RBM33: variants seen among roughly 807,000 people sequenced by gnomAD.
RBM33 encodes the protein RNA-binding protein 33.
Under a neutral mutation model 132.6 loss-of-function variants are expected in RBM33, and 28 were observed. That is an observed-to-expected ratio of 0.21 (90% CI 0.16 to 0.29). RBM33 has a LOEUF of 0.29. Among genes scored for constraint, RBM33 ranks in the 10% least tolerant of loss-of-function variants. RBM33 has a pLI of 1.00. For missense variants in RBM33, 1,291 were observed against 1,518.5 expected (o/e 0.85, Z 2.49); for synonymous variants, 634 against 593.0 (o/e 1.07, Z -1.01).
intron 9 of RBM33, among the ~76,000 whole-genome samples, chr7:155,729,274 G>C (rs1800885311): frequency 6.6e-6 from 1 of 152,170 alleles, no homozygotes; most frequent in Non-Finnish European, 1.5e-5. Context: ...CACTCGTGGG[G>C]ATTACAGTTC....
chr7:155,683,579 A>G (rs1799394124), intron 5 of RBM33, among the ~76,000 whole-genome samples: 1 of 152,192 alleles, frequency 6.6e-6, no homozygotes, highest in African/African-American at 2.4e-5. Flanking sequence ...GCTGTTCCCT[A>G]TGAAGAAAGC....
chr7:155,741,709 C>T, intron 12 of RBM33, 110 bp from the exon 13 acceptor site: 2 of 1,053,876 alleles, frequency 1.9e-6, no homozygotes, highest in Non-Finnish European at 1.4e-6. Context: ...CAAAAGAAGT[C>T]ATTTACTAAT....
intron 9 of RBM33, among the ~76,000 whole-genome samples, chr7:155,730,982 T>C (rs568654023): frequency 6.7e-6 from 1 of 148,428 alleles, no homozygotes; most frequent in South Asian, 2.1e-4. Context: ...GAAAACTAAG[T>C]TTGTGGACTA....
rs1414359905 is a variant in RBM33 at position 155,644,852 on chromosome 7, C to T, written c.-25C>T. 6 of 1,479,378 alleles carry T rather than the reference C, an allele frequency of 4.1e-6. No individual in the cohort carries two copies. Among genetic ancestry groups the T allele is most frequent in the Non-Finnish European group, 5.4e-6 (6 of 1,119,716 alleles). 91.6% of individuals were successfully genotyped at this position (1,479,378 alleles called of 1,614,324 possible). ...CCACCAGCTGGCTTGGTGGGGGAGG[C>T]TGAAGGCCGGGCCCCGCGAGTGCCA... On this transcript the variant is annotated 5_prime_UTR_variant, in exon 1 of 18. Transcript: ENST00000401878.
intron 5 of RBM33, among the ~76,000 whole-genome samples, chr7:155,695,158 T>C (rs1799756306): frequency 6.6e-6 from 1 of 152,222 alleles, no homozygotes; most frequent in South Asian, 2.1e-4. Context: ...CCATGTGCGA[T>C]TGGACTTCCG....
chr7:155,766,550 G>A lies in RBM33; in HGVS notation c.3270G>A (p.Val1090=). Residue 1090 remains valine, a synonymous_variant, in exon 16 of 18, where the codon GTG becomes GTA. Transcript: ENST00000401878. The stretch of plus-strand genomic sequence containing the variant: ...TGCCAAACAAGCAGAACCTGCGGGT[G>A]GTGGAGTGCAAGCCCCAGCCCTGCG... ...RLMPNKQNLR[V]VECKPQPCVV... 3 of 1,613,660 alleles carry A rather than the reference G, an allele frequency of 1.9e-6. No individual in the cohort carries two copies. The highest frequency in any genetic ancestry group is 2.5e-6 in the Non-Finnish European group (3 of 1,179,802).
At chr7:155,760,688 A>T (rs1208850602) in intron 14 of RBM33, among the ~76,000 whole-genome samples, 2 of 152,194 alleles carry the variant, frequency 1.3e-5, no homozygotes, top group Non-Finnish European at 2.9e-5. Flanking sequence ...AAATTTTAAA[A>T]CTTTTTAGTA....
intron 7 of RBM33, among the ~76,000 whole-genome samples, chr7:155,710,356 A>T (rs1441193190): frequency 1.3e-5 from 2 of 152,186 alleles, no homozygotes; most frequent in Non-Finnish European, 2.9e-5. Flanking sequence ...GACCTAGTTT[A>T]TAGGATTGTG....
rs1250951950 is a variant in RBM33, at chr7:155,742,036, A to G, written c.2267A>G (p.Lys756Arg). 1 of 1,613,930 alleles carries G rather than the reference A, an allele frequency of 6.2e-7. No homozygotes were observed. Among genetic ancestry groups the G allele is most frequent in the Non-Finnish European group, 8.5e-7 (1 of 1,179,916 alleles). ...AVAGSRSSQG[K>R]TEVKVKPASP... ...GCGGGTTCCAGAAGCTCACAGGGAA[A>G]GACGGAAGTGAAAGTCAAGCCAGCT... The change falls in exon 13 of 18, where the codon AAG becomes AGG. Residue 756 changes from lysine to arginine, a missense_variant. Lys to Arg is a conservative substitution (Grantham distance 26). Around this residue, in one of 7 missense-constraint regions of RBM33, gnomAD observed 841 missense variants for 912.0 expected, o/e 0.92. Transcript: ENST00000401878.
At chr7:155,739,491 A>G (rs980322939) in intron 11 of RBM33, 7 of 570,926 alleles carry the variant, frequency 1.2e-5, no homozygotes, top group African/African-American at 1.9e-5. Flanking sequence ...CCTTAGGACA[A>G]TTCAATCCTA....
intron 9 of RBM33, among the ~76,000 whole-genome samples, chr7:155,730,884 G>T (rs1800935983): frequency 6.6e-6 from 1 of 152,212 alleles, no homozygotes; most frequent in Non-Finnish European, 1.5e-5. Context: ...CAATATTAAA[G>T]TTCCAGGGAA....
chr7:155,656,283 C>G (rs1478779961), intron 1 of RBM33, among the ~76,000 whole-genome samples: 1 of 152,092 alleles, frequency 6.6e-6, no homozygotes, highest in Non-Finnish European at 1.5e-5. Flanking sequence ...AATCAGGGCA[C>G]CAATATTTTC....
At chr7:155,753,481 G>T (rs73167178) in intron 14 of RBM33, among the ~76,000 whole-genome samples, 4,159 of 152,316 alleles carry the variant, frequency 0.027, 73 homozygotes, top group Middle Eastern at 0.038. Flanking sequence ...TGTTCTGGTC[G>T]CTTGATTTCT....
intron 13 of RBM33, among the ~76,000 whole-genome samples, chr7:155,743,224 A>G (rs1481633133): frequency 6.6e-6 from 1 of 152,246 alleles, no homozygotes; most frequent in African/African-American, 2.4e-5. Flanking sequence ...TAGATTTACA[A>G]ACTGGATCGG....
At chr7:155,672,478 C>T (rs887411323) in intron 2 of RBM33, among the ~76,000 whole-genome samples, 6 of 152,060 alleles carry the variant, frequency 3.9e-5, no homozygotes, top group African/African-American at 9.7e-5. Context: ...CCAAGCTGGC[C>T]GGGCATGGTG....
intron 9 of RBM33, among the ~76,000 whole-genome samples, chr7:155,724,663 C>G (rs958784863): frequency 6.6e-6 from 1 of 152,206 alleles, no homozygotes; most frequent in African/African-American, 2.4e-5. Flanking sequence ...GTTATATAAT[C>G]ATCCAGGGAC....
chr7:155,755,932 A>G (rs1295527052), intron 14 of RBM33, among the ~76,000 whole-genome samples: 2 of 152,198 alleles, frequency 1.3e-5, no homozygotes, highest in Non-Finnish European at 1.5e-5. Flanking sequence ...AGCGATTTTT[A>G]TAGCATTAAA....
rs1327896341 is a variant in RBM33, at chr7:155,774,054, A to G, written c.3376-505A>G. On this transcript the variant is annotated intron_variant, in intron 16 of 17. Coordinates refer to ENST00000401878, the MANE Select transcript of RBM33 (RefSeq NM_053043.3). This position sits in a 1 kb window ranked among gnomAD's most constrained non-coding sequence, Gnocchi z 4.2. ...TATGCTGATGTCTGCCCCAGGCACC[A>G]CTGCCCTCACCATGGCCCAGCCAGA... Among the ~76,000 whole-genome samples, 1 of 152,256 alleles carries G rather than the reference A, an allele frequency of 6.6e-6. No individual in the cohort carries two copies. The highest frequency in any genetic ancestry group is 1.9e-4 in the East Asian group (1 of 5,208).
chr7:155,673,618 ATATATATACACACATATACATACACACG>A (rs1799035409), intron 3 of RBM33, among the ~76,000 whole-genome samples: 1 of 66,280 alleles, frequency 1.5e-5, no homozygotes, highest in Non-Finnish European at 3.3e-5. Context: ...ACACACGTGT[ATATATATACACACATATACATACACACG>A]TGTATATATA....
Sources: allele counts gnomAD v4.1 joint callset (sites outside exome capture counted in the v4.1 genomes callset), GRCh38; gene constraint gnomAD v4.1.1; regional missense constraint gnomAD v4.1.1; non-coding constraint Gnocchi (gnomAD v3.1); transcripts MANE v1.5; gene names NCBI Gene and HGNC (gene_info 2026-07-23, HGNC 2026-07-21).